The following ATP10B variants were observed in gnomAD, a reference collection of about 807,000 sequenced individuals.
ATP10B encodes ATPase phospholipid transporting 10B (putative).
In ATP10B, 122 loss-of-function variants were observed where a neutral mutation model predicts 141.2. The ratio of observed to expected loss-of-function variants is 0.86; its 90% CI spans 0.75 to 1.00. The LOEUF is 1.00. ATP10B is among the 50% of genes least tolerant of loss of function. The probability of loss-of-function intolerance (pLI) is 0.00; values close to 1 mark genes in which losing one functional copy is unlikely to be tolerated. For missense variants in ATP10B, 1,876 were observed against 1,825.3 expected (o/e 1.03, Z -0.51); for synonymous variants, 685 against 692.0 (o/e 0.99, Z 0.16).
At chr5:160,928,979 T>A in the ATP10B span, among the ~76,000 whole-genome samples, 2 of 152,258 alleles carry the variant, frequency 1.3e-5, no homozygotes, top group East Asian at 3.9e-4. Context: ...CATAACACAG[T>A]CACCTGTATG....
At chr5:160,906,052 A>C in the ATP10B span, among the ~76,000 whole-genome samples, 94,781 of 152,012 alleles carry the variant, frequency 0.62, 30,788 homozygotes, top group African/African-American at 0.8. Context: ...ACACAGAAAT[A>C]TGCCCCAAGA....
At chr5:160,917,787 C>T in the ATP10B span, among the ~76,000 whole-genome samples, 1 of 152,206 alleles carries the variant, frequency 6.6e-6, no homozygotes, top group Admixed American at 6.5e-5. Context: ...TCCCTGCCAC[C>T]TACCCTCCCT....
At chr5:160,872,006 C>A in the ATP10B span, among the ~76,000 whole-genome samples, 1 of 152,008 alleles carries the variant, frequency 6.6e-6, no homozygotes, top group East Asian at 1.9e-4. Context: ...GTTTATATTC[C>A]CACCAGCAGT....
intron 1 of ATP10B, among the ~76,000 whole-genome samples, chr5:160,805,789 TAGTC>T (rs1469737814): frequency 6.6e-6 from 1 of 152,164 alleles, no homozygotes; most frequent in African/African-American, 2.4e-5. Flanking sequence ...GAGAGGGTAT[TAGTC>T]AGGGTTCTCC....
chr5:160,589,799 G>T, intron 23 of ATP10B, 103 bp from the exon 24 acceptor site: 2 of 822,962 alleles, frequency 2.4e-6, no homozygotes, highest in Non-Finnish European at 4.1e-6. Context: ...TGTCAATGGA[G>T]AAGGAGGTAC....
At chr5:160,806,013 C>T (rs1295467053) in intron 1 of ATP10B, among the ~76,000 whole-genome samples, 1 of 152,120 alleles carries the variant, frequency 6.6e-6, no homozygotes, top group Non-Finnish European at 1.5e-5. Context: ...AGACCCATGG[C>T]CTAGCTCAAG....
At chr5:160,733,648 A>T (rs913412935) in intron 2 of ATP10B, among the ~76,000 whole-genome samples, 2 of 146,796 alleles carry the variant, frequency 1.4e-5, no homozygotes, top group Non-Finnish European at 3.0e-5. Flanking sequence ...ACATATGTGT[A>T]ACACATATAT....
the ATP10B span, among the ~76,000 whole-genome samples, chr5:160,899,368 G>A: frequency 6.6e-6 from 1 of 151,992 alleles, no homozygotes; most frequent in Non-Finnish European, 1.5e-5. Context: ...GAAGAAAAAT[G>A]TCGTCATGTA....
chr5:160,880,840 TAGAAAATGTAGG>T, the ATP10B span, among the ~76,000 whole-genome samples: 1 of 152,122 alleles, frequency 6.6e-6, no homozygotes, highest in Non-Finnish European at 1.5e-5. Context: ...ATAAAAATCC[TAGAAAATGTAGG>T]AGAAAACCTA....
Position 160,604,055 on chromosome 5 carries a change from C to A in ATP10B, c.3161-14G>T. 6.2e-7 allele frequency: 1 copy of A among 1,609,682 alleles called. No homozygotes were observed. The highest frequency in any genetic ancestry group is 8.5e-7 in the Non-Finnish European group (1 of 1,176,342). ...TTGCTCCATCACCTGAAAGAGAGGT[C>A]ATAACGTGTCTTTATTTTTGGTCCA... On this transcript the variant is annotated splice_polypyrimidine_tract_variant and intron_variant, in intron 19 of 25. Coordinates refer to ENST00000327245, the MANE Select transcript of ATP10B (RefSeq NM_025153.3).
chr5:160,608,388 A>T (rs919232070), intron 18 of ATP10B, among the ~76,000 whole-genome samples: 2 of 152,232 alleles, frequency 1.3e-5, no homozygotes, highest in African/African-American at 4.8e-5. Context: ...CGCAATAAAC[A>T]TATATATGCA....
chr5:160,740,413 C>T (rs774895120), intron 2 of ATP10B, among the ~76,000 whole-genome samples: 1 of 152,152 alleles, frequency 6.6e-6, no homozygotes, highest in African/African-American at 2.4e-5. Flanking sequence ...CCTCACAAAG[C>T]ATTCCATTCC....
chr5:160,835,516 T>C (rs1184079952), intron 1 of ATP10B, among the ~76,000 whole-genome samples: 1 of 152,178 alleles, frequency 6.6e-6, no homozygotes, highest in Admixed American at 6.6e-5. Flanking sequence ...CATGTGCTAC[T>C]TTTGGATCTT....
intron 1 of ATP10B, among the ~76,000 whole-genome samples, chr5:160,831,791 A>C (rs1218340560): frequency 6.6e-6 from 1 of 152,164 alleles, no homozygotes; most frequent in Non-Finnish European, 1.5e-5. Flanking sequence ...AATTGTTTAC[A>C]GTTCTATAGG....
At chr5:160,914,244 A>G in the ATP10B span, among the ~76,000 whole-genome samples, 1 of 152,220 alleles carries the variant, frequency 6.6e-6, no homozygotes, top group Non-Finnish European at 1.5e-5. Context: ...ACTGTGTTAG[A>G]ACCAATGTCA....
chr5:160,640,588 A>G lies in ATP10B; in HGVS notation c.873T>C (p.His291=), dbSNP rs1759771399. 6.2e-7 allele frequency: 1 copy of G among 1,613,962 alleles called. No homozygotes were observed. The highest frequency in any genetic ancestry group is 8.5e-7 in the Non-Finnish European group (1 of 1,179,886). ...MAVGIVIYAG[H]ETKAMLNNSG... ...TGTTGTTCAGCATGGCTTTCGTCTCATGGCCTTTGAGAGAAAATGAGGAAA... is the reference window on the plus strand; with the variant it reads ...TGTTGTTCAGCATGGCTTTCGTCTCGTGGCCTTTGAGAGAAAATGAGGAAA... Residue 291 remains histidine, a synonymous_variant, in exon 10 of 26, where the codon CAT becomes CAC. Coordinates refer to ENST00000327245, the MANE Select transcript of ATP10B (RefSeq NM_025153.3).
intron 7 of ATP10B, among the ~76,000 whole-genome samples, chr5:160,653,300 GTACA>G (rs1415111213): frequency 9.5e-5 from 12 of 126,276 alleles, no homozygotes; most frequent in East Asian, 4.3e-4. Context: ...ATATACATAC[GTACA>G]TACATACATA....
At chr5:160,586,299 G>A (rs1428952041) in intron 24 of ATP10B, among the ~76,000 whole-genome samples, 1 of 152,188 alleles carries the variant, frequency 6.6e-6, no homozygotes, top group Non-Finnish European at 1.5e-5. Context: ...CCCTGCAAAA[G>A]ACATGACCTC....
At chr5:160,670,307 G>A (rs934909598) in intron 7 of ATP10B, among the ~76,000 whole-genome samples, 156 bp downstream of exon 7, 6 of 152,194 alleles carry the variant, frequency 3.9e-5, no homozygotes, top group African/African-American at 1.2e-4. Context: ...CCATCTCAGA[G>A]GGCTGCTGGT....
Sources: gnomAD v4.1 joint callset for allele counts (sites outside exome capture counted in the v4.1 genomes callset) on GRCh38, gnomAD v4.1.1 for gene constraint, MANE v1.5 for transcripts, NCBI Gene and HGNC (gene_info 2026-07-23, HGNC 2026-07-21) for gene names.